The following LZTFL1 variants were observed in gnomAD, a reference collection of about 807,000 sequenced individuals.
LZTFL1 encodes leucine zipper transcription factor-like protein 1.
In LZTFL1, 25 loss-of-function variants were observed where a neutral mutation model predicts 45.9. The ratio of observed to expected loss-of-function variants is 0.54; its 90% confidence interval spans 0.40 to 0.76. LZTFL1 has a LOEUF of 0.76. LZTFL1 is among the 30% of genes least tolerant of loss of function. LZTFL1 has a pLI of 0.00. For missense variants in LZTFL1, 277 were observed against 331.1 expected, an observed-to-expected ratio of 0.84 and a Z score of 1.27; for synonymous variants, 93 against 117.4, an observed-to-expected ratio of 0.79 and a Z score of 1.35.
chr3:45,865,065 T>C (rs952685714), intron 2 of LZTFL1, among the ~76,000 whole-genome samples: 10 of 152,198 alleles, frequency 6.6e-5, no homozygotes, highest in African/African-American at 2.4e-4. Context: ...GGCCATCGAT[T>C]ACATTTCCAC....
At chr3:45,870,510 C>T (rs544309619) in intron 2 of LZTFL1, among the ~76,000 whole-genome samples, 1 of 152,308 alleles carries the variant, frequency 6.6e-6, no homozygotes, top group African/African-American at 2.4e-5. Context: ...CACAGAGAAA[C>T]TATCTTTCTT....
intron 2 of LZTFL1, among the ~76,000 whole-genome samples, chr3:45,888,571 C>A (rs1170883265): frequency 6.6e-6 from 1 of 152,224 alleles, no homozygotes; most frequent in Non-Finnish European, 1.5e-5. Context: ...GCACCTGCAA[C>A]AAGGCCTCAC....
At chr3:45,828,715 G>T in intron 7 of LZTFL1, 100 bp from the exon 8 acceptor site, 1 of 1,091,980 alleles carries the variant, frequency 9.2e-7, no homozygotes, top group Middle Eastern at 2.8e-4. Context: ...AAAAAATGAT[G>T]TATGTTTTGT....
rs775145911 is a variant in LZTFL1, at chr3:45,876,627, TC to T, written c.-214-17612del. 4.6e-4 allele frequency among the ~76,000 whole-genome samples: 70 copies of T among 152,308 alleles called. 1 individual carries two copies. Among genetic ancestry groups the T allele is most frequent in the South Asian group, 1.2e-3 (6 of 4,830 alleles). ...TGGCTCGACTCTTTCCTGTATTAGT[TC>T]TTTTTCCTCTCACAGCAATCCCTTG... On this transcript the variant is annotated intron_variant, in intron 2 of 4. Coordinates refer to the LZTFL1 transcript ENST00000472635.
intron 2 of LZTFL1, among the ~76,000 whole-genome samples, chr3:45,862,509 C>CACA (rs971744235): frequency 3.9e-5 from 6 of 152,188 alleles, no homozygotes; most frequent in Non-Finnish European, 5.9e-5. Flanking sequence ...GAGTGATTTT[C>CACA]ACAACAACAA....
At chr3:45,869,027 C>A (rs906833306) in intron 2 of LZTFL1, among the ~76,000 whole-genome samples, 2 of 152,176 alleles carry the variant, frequency 1.3e-5, no homozygotes, top group Non-Finnish European at 2.9e-5. Context: ...CAAAGTCAGA[C>A]AAGAAATGCA....
chr3:45,895,934 C>A (rs575271576), intron 2 of LZTFL1, among the ~76,000 whole-genome samples: 2 of 152,130 alleles, frequency 1.3e-5, no homozygotes, highest in South Asian at 2.1e-4. Flanking sequence ...TCCTAGCAGG[C>A]GGGCTAACAA....
rs555405639 is a variant in LZTFL1, at chr3:45,871,813, C to T, written c.-214-12797G>A. ...ACCAGGCGCTTTATAACAAGAAAAG[C>T]GACTTGCAACCAGCATCTGAAATCT... is the stretch of plus-strand genomic sequence containing the variant. On this transcript the variant is annotated intron_variant, in intron 2 of 4. Coordinates refer to the LZTFL1 transcript ENST00000472635. Among the ~76,000 whole-genome samples, 104 of 152,250 alleles carry T rather than the reference C, an allele frequency of 6.8e-4. 1 individual carries two copies. The highest frequency in any genetic ancestry group is 2.1e-3 in the South Asian group (10 of 4,830).
At chr3:45,831,036 G>A in intron 6 of LZTFL1, 37 bp downstream of exon 6, 1 of 1,601,278 alleles carries the variant, frequency 6.2e-7, no homozygotes, top group Admixed American at 1.7e-5. Flanking sequence ...TAATCTGTAG[G>A]CAGTTCAATA....
intron 1 of LZTFL1, among the ~76,000 whole-genome samples, chr3:45,840,100 C>G (rs1274827609): frequency 1.3e-5 from 2 of 152,178 alleles, no homozygotes; most frequent in East Asian, 3.8e-4. Context: ...TGCCTTGTGC[C>G]AGCAGGTGGC....
chr3:45,823,774 G>C lies in LZTFL1; in HGVS notation c.*2540C>G, dbSNP rs1157402538. 2 of 152,082 alleles carry C rather than the reference G, an allele frequency of 1.3e-5. No individual in the cohort carries two copies. Among genetic ancestry groups the C allele is most frequent in the Non-Finnish European group, 2.9e-5 (2 of 68,020 alleles). 9.4% of individuals were successfully genotyped at this position (152,082 alleles called of 1,614,324 possible). A position where few individuals can be genotyped will look rare whatever the true frequency, so the allele number is the denominator to read the frequency against. ...CTAGTGGCAAAGCTTTGGAACATAG[G>C]CATTTACACATAAGCAGAGGGAAAT... On this transcript the variant is annotated 3_prime_UTR_variant, in exon 10 of 10. Coordinates refer to ENST00000296135, the MANE Select transcript of LZTFL1 (RefSeq NM_020347.4).
At chr3:45,883,237 A>T (rs1269700065) in intron 2 of LZTFL1, among the ~76,000 whole-genome samples, 1 of 152,228 alleles carries the variant, frequency 6.6e-6, no homozygotes, top group African/African-American at 2.4e-5. Flanking sequence ...TTCATGAATT[A>T]ACAGTATTTC....
At chr3:45,894,836 C>A in intron 2 of LZTFL1, 1 of 1,078,140 alleles carries the variant, frequency 9.3e-7, no homozygotes, top group South Asian at 1.3e-5. Context: ...TAATCTCCAT[C>A]TTTTTGGCAT....
At chr3:45,870,717 T>A (rs1457856790) in intron 2 of LZTFL1, among the ~76,000 whole-genome samples, 1 of 152,254 alleles carries the variant, frequency 6.6e-6, no homozygotes, top group Non-Finnish European at 1.5e-5. Context: ...ATTACACAAT[T>A]AAGCAATTTA....
intron 2 of LZTFL1, among the ~76,000 whole-genome samples, chr3:45,912,215 T>C (rs1296295417): frequency 6.6e-6 from 1 of 152,224 alleles, no homozygotes; most frequent in African/African-American, 2.4e-5. Context: ...TTTGCGTACT[T>C]GTATGAGTGT....
At chr3:45,909,648 C>A (rs1175685920) in intron 2 of LZTFL1, among the ~76,000 whole-genome samples, 2 of 152,236 alleles carry the variant, frequency 1.3e-5, no homozygotes, top group Non-Finnish European at 2.9e-5. Context: ...ACTGGATGGA[C>A]TCTTCCTCTG....
At chr3:45,913,455 T>C (rs1478774695) in intron 1 of LZTFL1, among the ~76,000 whole-genome samples, 2 of 152,344 alleles carry the variant, frequency 1.3e-5, no homozygotes, top group East Asian at 1.9e-4. Flanking sequence ...AGCAGATATA[T>C]GAACTAGTAA....
intron 4 of LZTFL1, among the ~76,000 whole-genome samples, chr3:45,847,353 A>G (rs1701234164): frequency 6.6e-6 from 1 of 152,082 alleles, no homozygotes; most frequent in African/African-American, 2.4e-5. Context: ...GACCTCCATG[A>G]TGTTGTCTCC....
chr3:45,827,378 C>G lies in LZTFL1; in HGVS notation c.859G>C (p.Asp287His). The G allele has an allele frequency of 6.2e-7, 1 of 1,613,270 alleles. No individual in the cohort carries two copies. The highest frequency in any genetic ancestry group is 8.5e-7 in the Non-Finnish European group (1 of 1,179,316). Residue 287 changes from aspartate (D) to histidine (H), a missense_variant, in exon 9 of 10, where the codon GAT becomes CAT. Asp to His is a moderately conservative substitution (Grantham distance 81). Coordinates refer to ENST00000296135, the MANE Select transcript of LZTFL1 (RefSeq NM_020347.4). ...ILTKKNDQIK[D>H]LRKRLAQYEP... ...TACTGTGCCAGTCTTTTCCTCAGAT[C>G]TTTGATTTGGTCATTCTTCTTGGTA...
Sources: allele counts gnomAD v4.1 joint callset (sites outside exome capture counted in the v4.1 genomes callset), GRCh38; gene constraint gnomAD v4.1.1; transcripts MANE v1.5; gene names NCBI Gene and HGNC (gene_info 2026-07-23, HGNC 2026-07-21).